The following ZMAT4 variants were observed in gnomAD, a reference collection of about 807,000 sequenced individuals.
The protein encoded by ZMAT4 is zinc finger matrin-type protein 4.
In ZMAT4, 17 loss-of-function variants were observed where a neutral mutation model predicts 28.7. That is an observed-to-expected ratio of 0.59 (90% CI 0.41 to 0.89). The LOEUF is 0.89. ZMAT4 is among the 40% of genes least tolerant of loss of function. The pLI is 0.00. For missense variants in ZMAT4, 240 were observed against 283.8 expected (o/e 0.85, Z 1.11); for synonymous variants, 117 against 109.2 (o/e 1.07, Z -0.44).
chr8:40,801,349 A>ATATATATATATATATATATAT lies in ZMAT4; in HGVS notation c.102+24225_102+24226insATATATATATATATATATATA, dbSNP rs1334146524. Among the ~76,000 whole-genome samples the ATATATATATATATATATATAT allele has an allele frequency of 2.9e-4, 14 of 48,762 alleles. 1 individual carries two copies. Among genetic ancestry groups the ATATATATATATATATATATAT allele is most frequent in the African/African-American group, 1.0e-3 (14 of 13,368 alleles). 32.0% of individuals were successfully genotyped at this position (48,762 alleles called of 152,430 possible). ...TCAGATGATACTTTCTTTAAAAAAA[A>ATATATATATATATATATATAT]AAATATATATATATATATATATACA... On this transcript the variant is annotated intron_variant, in intron 2 of 6. Transcript: ENST00000297737.
intron 5 of ZMAT4, among the ~76,000 whole-genome samples, chr8:40,649,283 T>G (rs903697963): frequency 6.2e-4 from 95 of 152,016 alleles, no homozygotes; most frequent in Non-Finnish European, 8.8e-4. Context: ...TCCTAGTCTC[T>G]GATAAAACAG....
chr8:40,598,882 A>G (rs540912344), intron 5 of ZMAT4, among the ~76,000 whole-genome samples: 3 of 152,236 alleles, frequency 2.0e-5, no homozygotes, highest in Admixed American at 6.5e-5. Context: ...TTTCCTGATC[A>G]GCCAGTACGA....
At chr8:40,769,275 G>C (rs1440098880) in intron 2 of ZMAT4, among the ~76,000 whole-genome samples, 1 of 152,030 alleles carries the variant, frequency 6.6e-6, no homozygotes, top group Non-Finnish European at 1.5e-5. Context: ...TTGTTTGTTT[G>C]TTTATTTTTG....
At chr8:40,582,408 C>T (rs1804498017) in intron 5 of ZMAT4, among the ~76,000 whole-genome samples, 1 of 151,964 alleles carries the variant, frequency 6.6e-6, no homozygotes, top group African/African-American at 2.4e-5. Flanking sequence ...GCTGAGAGCC[C>T]AGTTCAAGAT....
chr8:40,552,961 G>C (rs971222018), intron 6 of ZMAT4, among the ~76,000 whole-genome samples: 5 of 152,150 alleles, frequency 3.3e-5, no homozygotes, highest in Non-Finnish European at 7.4e-5. Context: ...TAAGCACGTG[G>C]GAGTTATTTA....
chr8:40,741,426 G>C (rs566119129), intron 3 of ZMAT4, among the ~76,000 whole-genome samples: 1 of 143,292 alleles, frequency 7.0e-6, no homozygotes, highest in East Asian at 2.2e-4. Context: ...CAGTCTGGAC[G>C]AAAGAGCGGA....
At chr8:40,600,921 G>A (rs1039664664) in intron 5 of ZMAT4, among the ~76,000 whole-genome samples, 2 of 152,230 alleles carry the variant, frequency 1.3e-5, no homozygotes, top group South Asian at 4.1e-4. Flanking sequence ...AGCCCAATGG[G>A]TTAGGAAAAA....
chr8:40,771,282 T>C (rs962334258), intron 2 of ZMAT4, among the ~76,000 whole-genome samples: 1 of 151,152 alleles, frequency 6.6e-6, no homozygotes, highest in Non-Finnish European at 1.5e-5. Context: ...ACTGCACAGA[T>C]ACTATGATTA....
chr8:40,639,288 A>C (rs1159159024), intron 5 of ZMAT4, among the ~76,000 whole-genome samples: 1 of 152,162 alleles, frequency 6.6e-6, no homozygotes, highest in African/African-American at 2.4e-5. Flanking sequence ...ACTGTGCTCC[A>C]GTAAAGTTTC....
intron 1 of ZMAT4, among the ~76,000 whole-genome samples, chr8:40,838,650 C>G (rs1269637186): frequency 6.6e-6 from 1 of 152,178 alleles, no homozygotes. Context: ...TCCTGCCCAC[C>G]TACCATGGCC....
rs543368794 is a variant in ZMAT4 at position 40,762,600 on chromosome 8, G to A, written c.192+5041C>T. On this transcript the variant is annotated intron_variant, in intron 3 of 6. Coordinates refer to ENST00000297737, the MANE Select transcript of ZMAT4 (RefSeq NM_024645.3). ...GAGCCTGGGAGTTCGAGGCTGCAAT[G>A]AGCTATAATCATGCCACTGCATTCC... is the stretch of plus-strand genomic sequence containing the variant. Among the ~76,000 whole-genome samples the A allele has an allele frequency of 9.3e-4, 142 of 152,158 alleles. 1 individual carries two copies. The highest frequency in any genetic ancestry group is 3.3e-3 in the African/African-American group (139 of 41,526).
chr8:40,697,540 T>C (rs1057461733), intron 3 of ZMAT4, 139 bp from the exon 4 acceptor site: 24 of 954,570 alleles, frequency 2.5e-5, no homozygotes, highest in Non-Finnish European at 3.3e-5. Context: ...TTTGCCTTGC[T>C]TTCTACTCTC....
chr8:40,819,573 A>C (rs1355667970), intron 2 of ZMAT4, among the ~76,000 whole-genome samples: 1 of 152,122 alleles, frequency 6.6e-6, no homozygotes, highest in African/African-American at 2.4e-5. Flanking sequence ...AATGCACAAA[A>C]ACACTCAGCA....
chr8:40,595,249 G>GT (rs1183641884), intron 5 of ZMAT4, among the ~76,000 whole-genome samples: 5 of 152,108 alleles, frequency 3.3e-5, no homozygotes, highest in African/African-American at 1.2e-4. Flanking sequence ...TTTGGGGAGA[G>GT]TAGCAATACC....
intron 2 of ZMAT4, among the ~76,000 whole-genome samples, chr8:40,801,363 T>TATGTATATAC (rs1292539283): frequency 6.9e-6 from 1 of 145,272 alleles, no homozygotes. Context: ...TATATATATA[T>TATGTATATAC]ATATATATAC....
chr8:40,851,542 C>T (rs149778660), intron 1 of ZMAT4, among the ~76,000 whole-genome samples: 5 of 152,096 alleles, frequency 3.3e-5, no homozygotes, highest in African/African-American at 1.2e-4. Flanking sequence ...TGGGGAAAAC[C>T]GAGTGAAGGG....
chr8:40,801,352 A>AAAAATATATATATATATATATG (rs774919666), intron 2 of ZMAT4, among the ~76,000 whole-genome samples: 3 of 72,142 alleles, frequency 4.2e-5, no homozygotes, highest in African/African-American at 1.4e-4. Flanking sequence ...AAAAAAAAAA[A>AAAAATATATATATATATATATG]TATATATATA....
chr8:40,795,972 T>G (rs1814578908), intron 2 of ZMAT4, among the ~76,000 whole-genome samples: 2 of 152,226 alleles, frequency 1.3e-5, no homozygotes, highest in Non-Finnish European at 1.5e-5. Context: ...TTGTTCTTCT[T>G]TCCCACTTTC....
chr8:40,764,910 C>T (rs936616631), intron 3 of ZMAT4, among the ~76,000 whole-genome samples: 3 of 152,100 alleles, frequency 2.0e-5, no homozygotes, highest in Non-Finnish European at 4.4e-5. Flanking sequence ...TAGCTCACTG[C>T]AGCCTCTGAT....
Sources: gnomAD v4.1 joint callset for allele counts (sites outside exome capture counted in the v4.1 genomes callset) on GRCh38, gnomAD v4.1.1 for gene constraint, MANE v1.5 for transcripts, NCBI Gene and HGNC (gene_info 2026-07-23, HGNC 2026-07-21) for gene names.